The following ASB18 variants were observed in gnomAD, a reference collection of about 807,000 sequenced individuals.
ASB18 encodes the protein ankyrin repeat and SOCS box containing 18.
ASB18 carries 33 observed loss-of-function variants against 33.4 expected under a neutral mutation model. The ratio of observed to expected loss-of-function variants is 0.99; its 90% CI spans 0.75 to 1.32. The LOEUF (loss-of-function observed/expected upper bound fraction) is 1.32. Ranked by LOEUF, ASB18 falls within the 40% of genes most tolerant of loss-of-function variation. The pLI, the probability that ASB18 is intolerant of heterozygous loss-of-function variation, is 0.00. For synonymous variants in ASB18, 295 were observed against 307.6 expected (o/e 0.96, Z 0.43); for missense variants, 694 against 655.5 (o/e 1.06, Z -0.64).
rs1452836566 is a variant in ASB18 at position 236,262,705 on chromosome 2, C to G, written c.205+1436G>C. On this transcript the variant is annotated intron_variant, in intron 1 of 5. Transcript: ENST00000409749. The surrounding 1 kb of genome is among the most constrained non-coding windows in gnomAD (Gnocchi z 5.2). ...ATGACAACCTCCCCTAAACCCCCCC[C>G]AGGGCAATCTTCTAGAGAGATGGAA... Among the ~76,000 whole-genome samples the G allele has an allele frequency of 6.6e-6, 1 of 152,128 alleles. No homozygotes were observed. Among genetic ancestry groups the G allele is most frequent in the Non-Finnish European group, 1.5e-5 (1 of 68,036 alleles).
chr2:236,261,404 A>G (rs2060717876), intron 1 of ASB18, among the ~76,000 whole-genome samples: 1 of 152,136 alleles, frequency 6.6e-6, no homozygotes, highest in South Asian at 2.1e-4. Context: ...GCCTCCTTCA[A>G]ATCCTAGTTT....
At chr2:236,201,984 CT>C (rs1184793026) in intron 4 of ASB18, among the ~76,000 whole-genome samples, 1 of 151,634 alleles carries the variant, frequency 6.6e-6, no homozygotes, top group Non-Finnish European at 1.5e-5. Flanking sequence ...GAGCCTCACT[CT>C]GTCACCCAGG....
rs1032451188 is a variant in ASB18 at position 236,231,616 on chromosome 2, C to T, written c.596+6073G>A. Among the ~76,000 whole-genome samples the T allele has an allele frequency of 2.6e-5, 4 of 152,166 alleles. No individual in the cohort carries two copies. Among genetic ancestry groups the T allele is most frequent in the African/African-American group, 9.7e-5 (4 of 41,432 alleles). ...GAGAAATACATTTTTATTATCATCA[C>T]CCCTGGCTAAGCGTTCTCGCTATGT... On this transcript the variant is annotated intron_variant, in intron 3 of 5. Transcript: ENST00000409749. The surrounding 1 kb of genome is among the most constrained non-coding windows in gnomAD (Gnocchi z 5.5).
In ASB18 at chr2:236,255,182, C is replaced by A. The variant is rs2013968; in HGVS notation, c.205+8959G>T. Among the ~76,000 whole-genome samples, 3,203 of 152,146 alleles carry A rather than the reference C, an allele frequency of 0.021. 88 individuals carry two copies. Among genetic ancestry groups the A allele is most frequent in the African/African-American group, 0.06 (2,479 of 41,486 alleles). On this transcript the variant is annotated intron_variant, in intron 1 of 5. Coordinates refer to ENST00000409749, the MANE Select transcript of ASB18 (RefSeq NM_212556.4). The surrounding 1 kb of genome is among the most constrained non-coding windows in gnomAD (Gnocchi z 4.4). ...TCTTTGAGACGGAGTCTCATTCTGT[C>A]GCCCAGGCCTGAGTGCAGTAGCGCG...
rs984747204 is a variant in ASB18, at chr2:236,211,699, A to G, written c.1101+2663T>C. 3.7e-4 allele frequency among the ~76,000 whole-genome samples: 56 copies of G among 152,092 alleles called. 1 individual carries two copies. The highest frequency in any genetic ancestry group is 1.3e-3 in the African/African-American group (54 of 41,408). ...CATGATTAGATGCCGTCCCTGGAGG[A>G]GCGATTGCAGGGAGACTGGGTGGAG... On this transcript the variant is annotated intron_variant, in intron 4 of 5. Coordinates refer to ENST00000409749, the MANE Select transcript of ASB18 (RefSeq NM_212556.4). The surrounding 1 kb of genome is among the most constrained non-coding windows in gnomAD (Gnocchi z 5.0).
chr2:236,241,579 T>C lies in ASB18; in HGVS notation c.206-177A>G, dbSNP rs777586823. The C allele has an allele frequency of 1.9e-5, 14 of 739,626 alleles. No homozygotes were observed. Among genetic ancestry groups the C allele is most frequent in the Non-Finnish European group, 3.1e-5 (13 of 425,442 alleles). The allele number at this position is 739,626 out of a possible 1,614,324, so 45.8% of individuals were successfully genotyped here. ...GAACGGGAAAGATGGTCTTATGGAG[T>C]GTGAGCTATTTCTATTGTCATTACT... On this transcript the variant is annotated intron_variant, in intron 1 of 5. Transcript: ENST00000409749. The surrounding 1 kb of genome is among the most constrained non-coding windows in gnomAD (Gnocchi z 4.2).
At position 236,214,005 on chromosome 2, in the gene ASB18, C is replaced by T; in HGVS notation, c.1101+357G>A. 4.3e-6 allele frequency: 1 copy of T among 234,934 alleles called. No individual in the cohort carries two copies. Among genetic ancestry groups the T allele is most frequent in the South Asian group, 1.2e-4 (1 of 8,480 alleles). 14.6% of individuals were successfully genotyped at this position (234,934 alleles called of 1,614,324 possible). ...TGATGAGCTGCCAAAATATTTTGAGCTCTGACTGCATCATCGAAATAAGTG... is the reference window on the plus strand; with the variant it reads ...TGATGAGCTGCCAAAATATTTTGAGTTCTGACTGCATCATCGAAATAAGTG... On this transcript the variant is annotated intron_variant, in intron 4 of 5. Coordinates refer to ENST00000409749, the MANE Select transcript of ASB18 (RefSeq NM_212556.4). The surrounding 1 kb of genome is among the most constrained non-coding windows in gnomAD (Gnocchi z 6.5).
rs1032638541 is a variant in ASB18 at position 236,245,222 on chromosome 2, T to G, written c.206-3820A>C. Among the ~76,000 whole-genome samples, 4 of 152,186 alleles carry G rather than the reference T, an allele frequency of 2.6e-5. No homozygotes were observed. Among genetic ancestry groups the G allele is most frequent in the African/African-American group, 9.6e-5 (4 of 41,454 alleles). On this transcript the variant is annotated intron_variant, in intron 1 of 5. Transcript: ENST00000409749. The surrounding 1 kb of genome is among the most constrained non-coding windows in gnomAD (Gnocchi z 4.7). ...TGCAGAAGGGCCCATTGGGCTTAGC[T>G]CTTGTGGGGTCAGGGCTAGCTGCCC...
intron 4 of ASB18, among the ~76,000 whole-genome samples, chr2:236,206,251 C>T (rs11887959): frequency 0.17 from 25,976 of 151,002 alleles, 2,245 homozygotes; most frequent in South Asian, 0.25. Context: ...ATAGTGAACA[C>T]TGAGGTTGAC....
In ASB18 at chr2:236,250,028, G is replaced by C. The variant is rs2060662127; in HGVS notation, c.206-8626C>G. The stretch of plus-strand genomic sequence containing the variant: ...CTTTATAATTGAGTCCTATAGTGTA[G>C]GTAGCTAATGAGAAGGAGTTTTTGC... On this transcript the variant is annotated intron_variant, in intron 1 of 5. Coordinates refer to ENST00000409749, the MANE Select transcript of ASB18 (RefSeq NM_212556.4). This position sits in a 1 kb window ranked among gnomAD's most constrained non-coding sequence, Gnocchi z 4.1. 6.6e-6 allele frequency: 1 copy of C among 152,188 alleles called. No homozygotes were observed. Among genetic ancestry groups the C allele is most frequent in the Admixed American group, 6.5e-5 (1 of 15,276 alleles). The allele number at this position is 152,188 out of a possible 1,614,324, so 9.4% of individuals were successfully genotyped here.
At position 236,248,658 on chromosome 2, in the gene ASB18, C is replaced by T. The variant is rs1284241545; in HGVS notation, c.206-7256G>A. The T allele has an allele frequency of 6.6e-6, 1 of 151,904 alleles. No homozygotes were observed. Among genetic ancestry groups the T allele is most frequent in the Non-Finnish European group, 1.5e-5 (1 of 68,024 alleles). The allele number at this position is 151,904 out of a possible 1,614,324, so 9.4% of individuals were successfully genotyped here. ...TCTAACATGCAGCCAAGGTTGAGAA[C>T]CATTGCTGTGAAAGGCAACCATGGA... is the stretch of plus-strand genomic sequence containing the variant. On this transcript the variant is annotated intron_variant, in intron 1 of 5. Coordinates refer to ENST00000409749, the MANE Select transcript of ASB18 (RefSeq NM_212556.4). The surrounding 1 kb of genome is among the most constrained non-coding windows in gnomAD (Gnocchi z 4.9).
chr2:236,193,953 G>C lies in ASB18; in HGVS notation c.*919C>G, dbSNP rs2060359298. Among the ~76,000 whole-genome samples, 1 of 152,064 alleles carries C rather than the reference G, an allele frequency of 6.6e-6. No homozygotes were observed. Among genetic ancestry groups the C allele is most frequent in the African/African-American group, 2.4e-5 (1 of 41,382 alleles). On this transcript the variant is annotated 3_prime_UTR_variant, in exon 6 of 6. Transcript: ENST00000409749. The surrounding 1 kb of genome is among the most constrained non-coding windows in gnomAD (Gnocchi z 5.0). ...TGGGTGGGTGGGTGTGGGGGTGTGTGAGCACCCTGCGATGGAATAGCACCC... is the reference window on the plus strand; with the variant it reads ...TGGGTGGGTGGGTGTGGGGGTGTGTCAGCACCCTGCGATGGAATAGCACCC...
At position 236,253,080 on chromosome 2, in the gene ASB18, G is replaced by A. The variant is rs1413218889; in HGVS notation, c.205+11061C>T. 6.6e-6 allele frequency among the ~76,000 whole-genome samples: 1 copy of A among 152,184 alleles called. No homozygotes were observed. The highest frequency in any genetic ancestry group is 1.5e-5 in the Non-Finnish European group (1 of 68,040). ...GATCCCCACCGTCCTCGCCAGCCTG[G>A]CTTTCTAGATGTTGATCCTAGGAAG... is the stretch of plus-strand genomic sequence containing the variant. On this transcript the variant is annotated intron_variant, in intron 1 of 5. Coordinates refer to ENST00000409749, the MANE Select transcript of ASB18 (RefSeq NM_212556.4). This position sits in a 1 kb window ranked among gnomAD's most constrained non-coding sequence, Gnocchi z 5.4.
At position 236,211,391 on chromosome 2, in the gene ASB18, G is replaced by A. The variant is rs568918530; in HGVS notation, c.1101+2971C>T. Among the ~76,000 whole-genome samples the A allele has an allele frequency of 7.3e-4, 111 of 152,372 alleles. 1 individual carries two copies. The highest frequency in any genetic ancestry group is 6.8e-3 in the South Asian group (33 of 4,830). On this transcript the variant is annotated intron_variant, in intron 4 of 5. Transcript: ENST00000409749. This position sits in a 1 kb window ranked among gnomAD's most constrained non-coding sequence, Gnocchi z 5.0. Reference sequence around the variant, plus strand: ...GATTCTCACTGCAGAGCACTGCGCCGGCTCGGAAGGATGCCCTGTGTCCGC... The same window carrying A: ...GATTCTCACTGCAGAGCACTGCGCCAGCTCGGAAGGATGCCCTGTGTCCGC...
At position 236,245,579 on chromosome 2, in the gene ASB18, G is replaced by A. The variant is rs919429699; in HGVS notation, c.206-4177C>T. On this transcript the variant is annotated intron_variant, in intron 1 of 5. Transcript: ENST00000409749. The surrounding 1 kb of genome is among the most constrained non-coding windows in gnomAD (Gnocchi z 4.7). ...AGTCCTTATTTTCCCTCCTTGCCTG[G>A]CCAGCCTCGCTCATCCTCCAACACA... 2.6e-5 allele frequency among the ~76,000 whole-genome samples: 4 copies of A among 152,036 alleles called. No individual in the cohort carries two copies. Among genetic ancestry groups the A allele is most frequent in the Admixed American group, 1.3e-4 (2 of 15,270 alleles).
At position 236,213,113 on chromosome 2, in the gene ASB18, A is replaced by G. The variant is rs1447957215; in HGVS notation, c.1101+1249T>C. Among the ~76,000 whole-genome samples, 6 of 152,256 alleles carry G rather than the reference A, an allele frequency of 3.9e-5. No individual in the cohort carries two copies. Among genetic ancestry groups the G allele is most frequent in the Non-Finnish European group, 8.8e-5 (6 of 68,044 alleles). On this transcript the variant is annotated intron_variant, in intron 4 of 5. Coordinates refer to ENST00000409749, the MANE Select transcript of ASB18 (RefSeq NM_212556.4). The surrounding 1 kb of genome is among the most constrained non-coding windows in gnomAD (Gnocchi z 4.8). ...TAAATATAAAAGGTAGCTGTCACAG[A>G]ACATAAAAATGCTAGCATTTCTTCC...
At position 236,228,625 on chromosome 2, in the gene ASB18, A is replaced by G. The variant is rs2060551492; in HGVS notation, c.596+9064T>C. 6.6e-6 allele frequency among the ~76,000 whole-genome samples: 1 copy of G among 152,214 alleles called. No homozygotes were observed. Among genetic ancestry groups the G allele is most frequent in the African/African-American group, 2.4e-5 (1 of 41,452 alleles). ...GTGGGCTGGTGGATTTCTACCAGAA[A>G]GTTTCTAGGACAGAAACGGTGCAGT... On this transcript the variant is annotated intron_variant, in intron 3 of 5. Coordinates refer to ENST00000409749, the MANE Select transcript of ASB18 (RefSeq NM_212556.4). The surrounding 1 kb of genome is among the most constrained non-coding windows in gnomAD (Gnocchi z 5.1).
rs1231457323 is a variant in ASB18 at position 236,237,997 on chromosome 2, AGTT to A, written c.329-44_329-42del. On this transcript the variant is annotated intron_variant, in intron 2 of 5. Transcript: ENST00000409749. This position sits in a 1 kb window ranked among gnomAD's most constrained non-coding sequence, Gnocchi z 6.2. ...TGGGATGTAAGGTCAGGGGGAGGTT[AGTT>A]GTGGTGGTGGTGGGCGGTGTTCCTT... 1.4e-6 allele frequency: 2 copies of A among 1,415,252 alleles called. No homozygotes were observed. The highest frequency in any genetic ancestry group is 2.8e-5 in the South Asian group (2 of 71,576). 87.7% of individuals were successfully genotyped at this position (1,415,252 alleles called of 1,614,324 possible). A position where few individuals can be genotyped will look rare whatever the true frequency, so the allele number is the denominator to read the frequency against.
rs2060504063 is a variant in ASB18, at chr2:236,220,095, C to T, written c.597-5229G>A. On this transcript the variant is annotated intron_variant, in intron 3 of 5. Coordinates refer to ENST00000409749, the MANE Select transcript of ASB18 (RefSeq NM_212556.4). This position sits in a 1 kb window ranked among gnomAD's most constrained non-coding sequence, Gnocchi z 5.1. ...CAGCAGAAAGAAAAAGTAACTTGAG[C>T]CAAAAGGCAGGAGTTAATAGAGATG... is the stretch of plus-strand genomic sequence containing the variant. 6.6e-6 allele frequency among the ~76,000 whole-genome samples: 1 copy of T among 152,160 alleles called. No individual in the cohort carries two copies. The highest frequency in any genetic ancestry group is 1.5e-5 in the Non-Finnish European group (1 of 68,036).
Sources: allele counts gnomAD v4.1 joint callset (sites outside exome capture counted in the v4.1 genomes callset), GRCh38; gene constraint gnomAD v4.1.1; non-coding constraint Gnocchi (gnomAD v3.1); transcripts MANE v1.5; gene names NCBI Gene and HGNC (gene_info 2026-07-23, HGNC 2026-07-21).